BICC1: variants seen among roughly 807,000 people sequenced by gnomAD.
BICC1 encodes BicC family RNA binding protein 1.
BICC1 carries 43 observed loss-of-function variants against 111.0 expected under a neutral mutation model. The observed-to-expected ratio is 0.39, with a 90% CI of 0.30 to 0.50. The LOEUF is 0.50. Among genes scored for constraint, BICC1 ranks in the 20% least tolerant of loss-of-function variants. The pLI, the probability that BICC1 is intolerant of heterozygous loss-of-function variation, is 0.88. For missense variants in BICC1, 1,091 were observed against 1,203.2 expected (o/e 0.91, Z 1.38); for synonymous variants, 467 against 434.4 (o/e 1.07, Z -0.93).
chr10:58,777,796 A>T (rs994999106), intron 3 of BICC1, among the ~76,000 whole-genome samples: 9 of 152,224 alleles, frequency 5.9e-5, no homozygotes, highest in African/African-American at 2.2e-4. Flanking sequence ...GTTGATATGG[A>T]TACTAATGGT....
chr10:58,576,753 C>T (rs1844124954), intron 1 of BICC1, among the ~76,000 whole-genome samples: 1 of 152,156 alleles, frequency 6.6e-6, no homozygotes, highest in Non-Finnish European at 1.5e-5. Context: ...AATGTAAGTT[C>T]AGATGACATT....
intron 2 of BICC1, among the ~76,000 whole-genome samples, chr10:58,683,909 T>A (rs964383362): frequency 6.6e-6 from 1 of 151,870 alleles, no homozygotes. Flanking sequence ...TTCCAACACT[T>A]TGTTGAATAG....
intron 1 of BICC1, among the ~76,000 whole-genome samples, chr10:58,593,237 C>T (rs1404035059): frequency 2.6e-5 from 4 of 152,234 alleles, no homozygotes; most frequent in East Asian, 3.9e-4. Flanking sequence ...GGAAGCAGCC[C>T]AGGTCAGGAA....
Position 58,804,460 on chromosome 10 carries a change from G to T in BICC1, c.2181+1218G>T, listed in dbSNP as rs147233877. ...CTGAGCCTGGGAGGCAGAGGTTGCT[G>T]TGAGCCAAGATTGCACCACTGCACT... On this transcript the variant is annotated intron_variant, in intron 15 of 20. Transcript: ENST00000373886. Among the ~76,000 whole-genome samples the T allele has an allele frequency of 5.2e-3, 799 of 152,238 alleles. 9 individuals are homozygous for T. The highest frequency in any genetic ancestry group is 0.016 in the African/African-American group (647 of 41,530).
At chr10:58,691,560 A>G (rs572909500) in intron 2 of BICC1, among the ~76,000 whole-genome samples, 1 of 152,324 alleles carries the variant, frequency 6.6e-6, no homozygotes, top group Non-Finnish European at 1.5e-5. Context: ...TTGGCCCACA[A>G]AGTGGTTTTT....
intron 3 of BICC1, among the ~76,000 whole-genome samples, chr10:58,777,642 G>A (rs1420653681): frequency 1.3e-5 from 2 of 151,982 alleles, no homozygotes; most frequent in African/African-American, 4.8e-5. Flanking sequence ...TAAGGAATTT[G>A]CCATACTTGG....
intron 1 of BICC1, among the ~76,000 whole-genome samples, chr10:58,608,278 C>A: frequency 6.6e-6 from 1 of 152,168 alleles, no homozygotes; most frequent in East Asian, 1.9e-4. Context: ...GGGACCTCCC[C>A]TGGTGAAGAA....
At chr10:58,550,964 A>G (rs1342278782) in intron 1 of BICC1, among the ~76,000 whole-genome samples, 1 of 152,178 alleles carries the variant, frequency 6.6e-6, no homozygotes, top group Non-Finnish European at 1.5e-5. Context: ...TCTTGTCATC[A>G]GCTTTTAACA....
At chr10:58,725,046 C>T (rs944997216) in intron 3 of BICC1, among the ~76,000 whole-genome samples, 1 of 152,096 alleles carries the variant, frequency 6.6e-6, no homozygotes, top group African/African-American at 2.4e-5. Flanking sequence ...TCTGGAGTCT[C>T]CTATGGCAAT....
At chr10:58,519,563 T>C (rs1221552579) in intron 1 of BICC1, among the ~76,000 whole-genome samples, 2 of 152,210 alleles carry the variant, frequency 1.3e-5, no homozygotes, top group Admixed American at 6.5e-5. Flanking sequence ...TAGGAACTTA[T>C]GTTATTCAGT....
At chr10:58,806,748 A>G in intron 16 of BICC1, 125 bp downstream of exon 16, 1 of 899,744 alleles carries the variant, frequency 1.1e-6, no homozygotes, top group Non-Finnish European at 1.7e-6. Context: ...ATTTGGGTTC[A>G]AGTTGCATAC....
intron 3 of BICC1, among the ~76,000 whole-genome samples, chr10:58,721,732 G>A (rs1840946029): frequency 6.6e-6 from 1 of 152,118 alleles, no homozygotes; most frequent in Non-Finnish European, 1.5e-5. Context: ...AGCAAGTCAG[G>A]AAAAATAATT....
At chr10:58,808,408 G>A (rs1034518291) in intron 17 of BICC1, among the ~76,000 whole-genome samples, 10 of 152,242 alleles carry the variant, frequency 6.6e-5, no homozygotes, top group Admixed American at 2.0e-4. Context: ...TGCTTTTGAC[G>A]GAGTGAAGTG....
intron 2 of BICC1, among the ~76,000 whole-genome samples, chr10:58,649,325 C>G (rs1233139952): frequency 6.6e-6 from 1 of 152,152 alleles, no homozygotes; most frequent in Non-Finnish European, 1.5e-5. Flanking sequence ...GGGAGAAACT[C>G]TCCCGCAGTG....
At chr10:58,784,137 A>T (rs1842948937) in intron 3 of BICC1, among the ~76,000 whole-genome samples, 1 of 151,816 alleles carries the variant, frequency 6.6e-6, no homozygotes, top group African/African-American at 2.4e-5. Flanking sequence ...TTTTCATAAC[A>T]TGTATGTTCT....
At chr10:58,800,869 T>C in intron 13 of BICC1, 21 bp from the exon 14 acceptor site, 1 of 1,570,842 alleles carries the variant, frequency 6.4e-7, no homozygotes, top group Non-Finnish European at 8.6e-7. Context: ...TGTTTCACTT[T>C]TTTTTCCTTT....
At chr10:58,768,611 T>C (rs1178357818) in intron 3 of BICC1, among the ~76,000 whole-genome samples, 1 of 152,086 alleles carries the variant, frequency 6.6e-6, no homozygotes, top group East Asian at 1.9e-4. Flanking sequence ...GTATAAATGT[T>C]AAAAGACAAA....
In BICC1 at chr10:58,760,652, G is replaced by A. The variant is rs150588507; in HGVS notation, c.308-24349G>A. Reference sequence around the variant, plus strand: ...ACTCATACAGACATAAATTGAACACGTGTTAAAGATTTTATGAATCTTATT... The same window carrying A: ...ACTCATACAGACATAAATTGAACACATGTTAAAGATTTTATGAATCTTATT... On this transcript the variant is annotated intron_variant, in intron 3 of 20. Coordinates refer to ENST00000373886, the MANE Select transcript of BICC1 (RefSeq NM_001080512.3). 1.7e-3 allele frequency among the ~76,000 whole-genome samples: 264 copies of A among 152,174 alleles called. 1 individual carries two copies. The highest frequency in any genetic ancestry group is 6.0e-3 in the African/African-American group (251 of 41,536).
At chr10:58,805,314 C>A (rs9416743) in intron 15 of BICC1, among the ~76,000 whole-genome samples, 110,311 of 150,694 alleles carry the variant, frequency 0.73, 40,480 homozygotes, top group Admixed American at 0.75. Flanking sequence ...AACAAACAAA[C>A]AAAAAAACTG....
Sources: allele counts gnomAD v4.1 joint callset (sites outside exome capture counted in the v4.1 genomes callset), GRCh38; gene constraint gnomAD v4.1.1; transcripts MANE v1.5; gene names NCBI Gene and HGNC (gene_info 2026-07-23, HGNC 2026-07-21).